Variants in LRIT2 observed in about 807,000 individuals in gnomAD.
LRIT2 encodes the protein leucine rich repeat, Ig-like and transmembrane domains 2, also known as leucine-rich repeat, immunoglobulin-like domain and transmembrane domain-containing protein 2.
In LRIT2, 23 loss-of-function variants were observed where a neutral mutation model predicts 22.4. The observed-to-expected ratio is 1.03, with a 90% CI of 0.74 to 1.45. The LOEUF is 1.45. LRIT2 is among the 40% of genes most tolerant of loss of function. The pLI, the probability that LRIT2 is intolerant of heterozygous loss-of-function variation, is 0.00. For missense variants in LRIT2, 784 were observed against 665.6 expected (o/e 1.18, Z -1.96); for synonymous variants, 291 against 267.1 (o/e 1.09, Z -0.87).
chr10:84,221,913 G>T lies in LRIT2; in HGVS notation c.*7C>A. On this transcript the variant is annotated 3_prime_UTR_variant, in exon 3 of 3. Coordinates refer to ENST00000372113, the MANE Select transcript of LRIT2 (RefSeq NM_001017924.5). ...CCAAGCCGTTTCCACCCCATGGCCT[G>T]GGTTGTTCAGCTGTTGTCTTCCGTT... The T allele has an allele frequency of 6.6e-7, 1 of 1,519,636 alleles. No individual in the cohort carries two copies. The highest frequency in any genetic ancestry group is 8.8e-7 in the Non-Finnish European group (1 of 1,133,280). The allele number at this position is 1,519,636 out of a possible 1,614,324, so 94.1% of individuals were successfully genotyped here.
Position 84,224,618 on chromosome 10 carries a change from C to T in LRIT2, c.607G>A (p.Val203Ile), listed in dbSNP as rs755813310. The change falls in exon 2 of 3, where the codon GTA (valine) becomes ATA (isoleucine). Residue 203 changes from valine (V) to isoleucine (I), a missense_variant. Coordinates refer to ENST00000372113, the MANE Select transcript of LRIT2 (RefSeq NM_001017924.5). ...AGCCCCCTTAGGCGACAGTCACATACCCAGGGGTTGTCATGCAGGGCCACC... is the reference window on the plus strand; with the variant it reads ...AGCCCCCTTAGGCGACAGTCACATATCCAGGGGTTGTCATGCAGGGCCACC... The part of the protein sequence containing the change: ...LVVALHDNPW[V>I]CDCRLRGLVQ... 7 of 1,613,944 alleles carry T rather than the reference C, an allele frequency of 4.3e-6. No individual in the cohort carries two copies. The highest frequency in any genetic ancestry group is 2.5e-6 in the Non-Finnish European group (3 of 1,179,872).
Position 84,224,544 on chromosome 10 carries a change from G to A in LRIT2, c.681C>T (p.Ser227=). Residue 227 remains serine, a synonymous_variant, in exon 2 of 3, where the codon TCC becomes TCT. Transcript: ENST00000372113. ...ACAGAGGGCCCTGACATATCAGGTA[G>A]GAATTCACCAGGATGACTGGGAGGG... The part of the protein sequence containing the change: ...SITLPVILVN[S]YLICQGPLSK... The A allele has an allele frequency of 1.2e-6, 2 of 1,614,110 alleles. No homozygotes were observed. The highest frequency in any genetic ancestry group is 1.7e-6 in the Non-Finnish European group (2 of 1,179,974).
Position 84,224,699 on chromosome 10 carries a change from C to T in LRIT2, c.526G>A (p.Ala176Thr), listed in dbSNP as rs767828408. 6.2e-6 allele frequency: 10 copies of T among 1,614,158 alleles called. No homozygotes were observed. Among genetic ancestry groups the T allele is most frequent in the Non-Finnish European group, 6.8e-6 (8 of 1,180,020 alleles). ...TCAGGCTGCCGGCATTTCTGGTAGG[C>T]TGGCCAGTTCAGGAAGACACTCTTG... ...VSKSVFLNWP[A>T]YQKCRQPDCG... Residue 176 changes from alanine (A) to threonine (T), a missense_variant, in exon 2 of 3, where the codon GCC becomes ACC. Transcript: ENST00000372113.
rs1425161201 is a variant in LRIT2 at position 84,224,422 on chromosome 10, TG to T, written c.802del (p.Gln268ArgfsTer3). ...PSANITIRAGQNVTLRCLAQA... is the reference protein window; with the variant it reads ...PSANITIRAGXNVTLRCLAQA... ...TGCCAAGCATCGCAGGGTCACATTC[TG>T]TCCTGCCCGGATGGTGATATTGGCA... On this transcript the variant is annotated frameshift_variant, in exon 2 of 3. Transcript: ENST00000372113. LOFTEE classifies it high-confidence loss of function. 1.2e-6 allele frequency: 2 copies of T among 1,614,134 alleles called. No individual in the cohort carries two copies. Among genetic ancestry groups the T allele is most frequent in the Non-Finnish European group, 1.7e-6 (2 of 1,180,050 alleles).
In LRIT2 at chr10:84,222,167, A is replaced by G; in HGVS notation, c.1406T>C (p.Val469Ala). ...AREHLLHVTVVLCVVLLAVPV... is the reference protein window; with the variant it reads ...AREHLLHVTVALCVVLLAVPV... ...CACTGCAAGCAGCACCACACACAGG[A>G]CCACTGTGACATGCAGGAGGTGCTC... The change falls in exon 3 of 3, where the codon GTC (valine) becomes GCC (alanine). Residue 469 changes from valine (V) to alanine (A), a missense_variant. Coordinates refer to ENST00000372113, the MANE Select transcript of LRIT2 (RefSeq NM_001017924.5). 1 of 1,614,052 alleles carries G rather than the reference A, an allele frequency of 6.2e-7. No homozygotes were observed. Among genetic ancestry groups the G allele is most frequent in the Non-Finnish European group, 8.5e-7 (1 of 1,180,012 alleles).
In LRIT2 at chr10:84,225,400, G is replaced by A. The variant is rs745486190; in HGVS notation, c.110+11C>T. The A allele has an allele frequency of 1.2e-6, 2 of 1,613,138 alleles. No individual in the cohort carries two copies. The highest frequency in any genetic ancestry group is 1.3e-5 in the African/African-American group (1 of 74,966). Reference sequence around the variant, plus strand: ...CCCATAACCCTCTAACATCTGGCCAGCAGAGCGCACCTGCCAAAACTCTCC... The same window carrying A: ...CCCATAACCCTCTAACATCTGGCCAACAGAGCGCACCTGCCAAAACTCTCC... On this transcript the variant is annotated intron_variant, in intron 1 of 2. Transcript: ENST00000372113.
chr10:84,222,926 T>C, intron 2 of LRIT2: 1 of 698,242 alleles, frequency 1.4e-6, no homozygotes, highest in Non-Finnish European at 2.6e-6. Flanking sequence ...AACTTGCCCG[T>C]AGTGAGAGTT....
Position 84,220,786 on chromosome 10 carries a change from C to G in LRIT2, c.*1134G>C, listed in dbSNP as rs1455741050. The G allele has an allele frequency of 6.6e-6, 1 of 152,118 alleles. No homozygotes were observed. The highest frequency in any genetic ancestry group is 2.4e-5 in the African/African-American group (1 of 41,376). 9.4% of individuals were successfully genotyped at this position (152,118 alleles called of 1,614,324 possible). ...CTCTGTGGAAGACGTAATGTACACA[C>G]TTGAGAGAGGCCTAAAAGGATGATT... On this transcript the variant is annotated 3_prime_UTR_variant, in exon 3 of 3. Transcript: ENST00000372113.
At chr10:84,223,491 A>G (rs1166102315) in intron 2 of LRIT2, among the ~76,000 whole-genome samples, 1 of 151,892 alleles carries the variant, frequency 6.6e-6, no homozygotes, top group Non-Finnish European at 1.5e-5. Flanking sequence ...AATTCAGTTA[A>G]TTGGGTATTT....
chr10:84,224,484 AAGCTCAGTTTC>A lies in LRIT2; in HGVS notation c.730_740del (p.Glu244Ter). Reference sequence around the variant, plus strand: ...AGATCTGTGGCTTCATGCAAGCACTAAGCTCAGTTTCATGAAAAAGCTGCCCTGCCTTGGAC... The same window carrying A: ...AGATCTGTGGCTTCATGCAAGCACTAATGAAAAAGCTGCCCTGCCTTGGAC... On this transcript the variant is annotated frameshift_variant, in exon 2 of 3. Coordinates refer to ENST00000372113, the MANE Select transcript of LRIT2 (RefSeq NM_001017924.5). LOFTEE classifies it high-confidence loss of function. The A allele has an allele frequency of 6.2e-7, 1 of 1,614,234 alleles. No individual in the cohort carries two copies. The highest frequency in any genetic ancestry group is 1.3e-5 in the African/African-American group (1 of 75,054).
chr10:84,222,648 G>A lies in LRIT2; in HGVS notation c.925C>T (p.Leu309=). The A allele has an allele frequency of 6.2e-7, 1 of 1,614,146 alleles. No individual in the cohort carries two copies. The highest frequency in any genetic ancestry group is 8.5e-7 in the Non-Finnish European group (1 of 1,180,032). The change falls in exon 3 of 3, where the codon CTG becomes TTG. Residue 309 remains leucine (L), a synonymous_variant. Coordinates refer to ENST00000372113, the MANE Select transcript of LRIT2 (RefSeq NM_001017924.5). ...GCAGCAGGTATGGCCAGCTCTGACAGAGCAGTGTCTTCTCCAGTAGAAGAT... is the reference window on the plus strand; with the variant it reads ...GCAGCAGGTATGGCCAGCTCTGACAAAGCAGTGTCTTCTCCAGTAGAAGAT... ...LTSSTGEDTA[L]SELAIPAAHL... is the part of the protein sequence containing the mutation.
At chr10:84,224,235 T>C (rs1842538232) in intron 2 of LRIT2, 98 bp downstream of exon 2, 4 of 1,293,134 alleles carry the variant, frequency 3.1e-6, no homozygotes, top group Non-Finnish European at 4.2e-6. Context: ...CACCCACCCT[T>C]CGTGACTGAC....
At chr10:84,223,167 C>A (rs1404479794) in intron 2 of LRIT2, among the ~76,000 whole-genome samples, 1 of 152,210 alleles carries the variant, frequency 6.6e-6, no homozygotes, top group Non-Finnish European at 1.5e-5. Context: ...GGGCTGCTAT[C>A]CCTAATGGAG....
In LRIT2 at chr10:84,222,500, A is replaced by T. The variant is rs141984313; in HGVS notation, c.1073T>A (p.Ile358Asn). 4.2e-5 allele frequency: 67 copies of T among 1,613,862 alleles called. No homozygotes were observed. In the African/African-American group the frequency reaches 6.5e-4, roughly 16 times the overall value. Reference protein sequence around the residue: ...QALHAPDSLSIPSEGNAYIDL... With the variant: ...QALHAPDSLSNPSEGNAYIDL... The stretch of plus-strand genomic sequence containing the variant: ...AATGTAGGCATTGCCCTCCGAGGGG[A>T]TGGAAAGAGAATCAGGTGCATGTAG... The change falls in exon 3 of 3, where the codon ATC (isoleucine) becomes AAC (asparagine). Residue 358 changes from isoleucine (I) to asparagine (N), a missense_variant. Ile to Asn is a moderately radical substitution (Grantham distance 149, BLOSUM62 -3). Transcript: ENST00000372113.
rs769195415 is a variant in LRIT2 at position 84,224,886 on chromosome 10, G to T, written c.339C>A (p.Asn113Lys). ...PELRELRLEGNKLCSVPWTAF... is the reference protein window; with the variant it reads ...PELRELRLEGKKLCSVPWTAF... ...CTGTCCATGGTACTGAGCAGAGCTT[G>T]TTCCCCTCCAGTCTCAGCTCCCTCA... Residue 113 changes from asparagine to lysine, a missense_variant, in exon 2 of 3, where the codon AAC (asparagine) becomes AAA (lysine). By Grantham distance (94) the Asn-to-Lys change is moderately conservative. Transcript: ENST00000372113. 1.2e-5 allele frequency: 20 copies of T among 1,614,058 alleles called. No homozygotes were observed. Among genetic ancestry groups the T allele is most frequent in the African/African-American group, 2.7e-5 (2 of 74,928 alleles).
In LRIT2 at chr10:84,225,007, C is replaced by A; in HGVS notation, c.218G>T (p.Gly73Val). 6.2e-7 allele frequency: 1 copy of A among 1,614,014 alleles called. No individual in the cohort carries two copies. The highest frequency in any genetic ancestry group is 8.5e-7 in the Non-Finnish European group (1 of 1,180,004). Residue 73 changes from glycine to valine, a missense_variant, in exon 2 of 3, where the codon GGG becomes GTG. Physicochemically the swap from Gly to Val is moderately radical, Grantham distance 109. Coordinates refer to ENST00000372113, the MANE Select transcript of LRIT2 (RefSeq NM_001017924.5). The stretch of plus-strand genomic sequence containing the variant: ...CAAGGTGCTCATGTTGATGAAAGAC[C>A]CTTGGGGCATCTCAAATAAGGGTGA... The part of the protein sequence containing the change: ...ENSPLFEMPQ[G>V]SFINMSTLEY...
In LRIT2 at chr10:84,222,404, T is replaced by C. The variant is rs757795813; in HGVS notation, c.1169A>G (p.Lys390Arg). 1.2e-6 allele frequency: 2 copies of C among 1,614,120 alleles called. No homozygotes were observed. Among genetic ancestry groups the C allele is most frequent in the Admixed American group, 1.7e-5 (1 of 60,028 alleles). ...LEWLAVADTS[K>R]EEWFTLYIAS... is the part of the protein sequence containing the mutation. ...AATGTAGAGGGTGAACCACTCCTCC[T>C]TAGAGGTGTCAGCCACTGCAAGCCA... Residue 390 changes from lysine (K) to arginine (R), a missense_variant, in exon 3 of 3, where the codon AAG becomes AGG. By Grantham distance (26) the Lys-to-Arg change is conservative (BLOSUM62 2). Coordinates refer to ENST00000372113, the MANE Select transcript of LRIT2 (RefSeq NM_001017924.5).
At position 84,224,786 on chromosome 10, in the gene LRIT2, G is replaced by C; in HGVS notation, c.439C>G (p.Leu147Val). 3.1e-6 allele frequency: 5 copies of C among 1,614,022 alleles called. No individual in the cohort carries two copies. The South Asian group carries it at 5.5e-5, about 18-fold the overall frequency. Residue 147 changes from leucine (L) to valine (V), a missense_variant, in exon 2 of 3, where the codon CTT (leucine) becomes GTT (valine). By Grantham distance (32) the Leu-to-Val change is conservative. Transcript: ENST00000372113. ...TAGGTCAGGCTGACCAAGAATTGAA[G>C]AGCCAGCTCAGGGAGTGCATCAATC... The part of the protein sequence containing the change: ...NKIDALPELA[L>V]QFLVSLTYLD...
rs372712566 is a variant in LRIT2, at chr10:84,222,349, C to A, written c.1224G>T (p.Val408=). 153 of 1,614,030 alleles carry A rather than the reference C, an allele frequency of 9.5e-5. No individual in the cohort carries two copies. The highest frequency in any genetic ancestry group is 1.2e-4 in the Non-Finnish European group (146 of 1,180,038). Residue 408 remains valine (V), a synonymous_variant, in exon 3 of 3, where the codon GTG becomes GTT. Coordinates refer to ENST00000372113, the MANE Select transcript of LRIT2 (RefSeq NM_001017924.5). Reference sequence around the variant, plus strand: ...TATTGATTCCGGGGCCAATGTGAACCACCTCCTTCCTGAAGGCTTCATCCG... The same window carrying A: ...TATTGATTCCGGGGCCAATGTGAACAACCTCCTTCCTGAAGGCTTCATCCG... ...IASDEAFRKE[V]VHIGPGINTY...
Sources: allele counts gnomAD v4.1 joint callset (sites outside exome capture counted in the v4.1 genomes callset), GRCh38; gene constraint gnomAD v4.1.1; transcripts MANE v1.5; gene names NCBI Gene and HGNC (gene_info 2026-07-23, HGNC 2026-07-21).